Variants in ZNF230 observed in about 807,000 individuals in gnomAD.
ZNF230 encodes the protein zinc finger protein 230.
In ZNF230, 12 loss-of-function variants were observed where a neutral mutation model predicts 10.0. The observed-to-expected ratio is 1.20, with a 90% confidence interval of 0.77 to 1.95. ZNF230 has a LOEUF of 1.95. ZNF230 is among the 30% of genes most tolerant of loss of function. The pLI is 0.00. For synonymous variants in ZNF230, 174 were observed against 193.6 expected, an observed-to-expected ratio of 0.90 and a Z score of 0.84; for missense variants, 532 against 565.8, an observed-to-expected ratio of 0.94 and a Z score of 0.61.
intron 2 of ZNF230, 52 bp from the exon 3 acceptor site, chr19:44,008,738 C>T (rs1009543911): frequency 6.3e-7 from 1 of 1,597,844 alleles, no homozygotes; most frequent in Non-Finnish European, 8.5e-7. Context: ...GCTGCTCCTC[C>T]CCCAGTAGTC....
chr19:44,010,876 G>A lies in ZNF230; in HGVS notation c.837G>A (p.Pro279=), dbSNP rs375192589. ...KHQIIHTGEK[P]FKCEICGKSF... The stretch of plus-strand genomic sequence containing the variant: ...AGATAATTCATACTGGGGAGAAGCC[G>A]TTCAAATGTGAAATATGTGGTAAGA... Residue 279 remains proline, a synonymous_variant, in exon 5 of 5, where the codon CCG becomes CCA. Transcript: ENST00000429154. The A allele has an allele frequency of 1.3e-4, 217 of 1,614,168 alleles. No homozygotes were observed. In the African/African-American group the frequency reaches 2.5e-3, roughly 19 times the overall value.
chr19:44,003,714 G>A, intron 1 of ZNF230: 1 of 217,588 alleles, frequency 4.6e-6, no homozygotes. Context: ...CTGCAGGGAG[G>A]GGACTTCTTG....
chr19:44,011,310 A>G lies in ZNF230; in HGVS notation c.1271A>G (p.Asp424Gly), dbSNP rs1450250645. 1 of 1,614,188 alleles carries G rather than the reference A, an allele frequency of 6.2e-7. No individual in the cohort carries two copies. The highest frequency in any genetic ancestry group is 1.1e-5 in the South Asian group (1 of 91,086). ...CGGAAAAAACCCTTCAAATGTGAGG[A>G]TTGTGGAAAGAGGCTTGTACACCGG... ...HCRKKPFKCE[D>G]CGKRLVHRSF... The change falls in exon 5 of 5, where the codon GAT becomes GGT. Residue 424 changes from aspartate (D) to glycine (G), a missense_variant. Coordinates refer to ENST00000429154, the MANE Select transcript of ZNF230 (RefSeq NM_006300.4).
At chr19:44,007,149 C>A in intron 2 of ZNF230, 56 bp downstream of exon 2, 1 of 1,563,942 alleles carries the variant, frequency 6.4e-7, no homozygotes, top group South Asian at 1.1e-5. Context: ...CTCATATTGT[C>A]ATATATTTTT....
intron 1 of ZNF230, among the ~76,000 whole-genome samples, chr19:44,006,067 A>G (rs1345184259): frequency 1.3e-5 from 2 of 151,020 alleles, no homozygotes; most frequent in East Asian, 3.9e-4. Flanking sequence ...TTTTAATAGG[A>G]AAGTTATTTT....
Position 44,010,387 on chromosome 19 carries a change from C to A in ZNF230, c.348C>A (p.Phe116Leu). Residue 116 changes from phenylalanine to leucine, a missense_variant, in exon 5 of 5, where the codon TTC (phenylalanine) becomes TTA (leucine). Transcript: ENST00000429154. The stretch of plus-strand genomic sequence containing the variant: ...ACTCCATCATAAATAATTCTCACTT[C>A]TTTGAACAAGGTGATGTCCCCTCCC... ...SQDSIINNSH[F>L]FEQGDVPSQV... is the part of the protein sequence containing the mutation. The A allele has an allele frequency of 6.2e-7, 1 of 1,614,212 alleles. No individual in the cohort carries two copies.
In ZNF230 at chr19:44,007,118, T is replaced by C. The variant is rs754281075; in HGVS notation, c.15+25T>C. ...GGTGAGTAGAGCTCACCTCTCTTGC[T>C]ATTAAAATTCCATCTTATTGCTCAT... On this transcript the variant is annotated intron_variant, in intron 2 of 4. Transcript: ENST00000429154. 3.1e-6 allele frequency: 5 copies of C among 1,601,712 alleles called. No individual in the cohort carries two copies. The Admixed American group carries it at 8.5e-5, about 27-fold the overall frequency.
At chr19:44,003,749 G>A in intron 1 of ZNF230, 1 of 213,276 alleles carries the variant, frequency 4.7e-6, no homozygotes, top group South Asian at 8.6e-5. Flanking sequence ...ATCTCTATGT[G>A]ATTGGTCCTT....
rs200520307 is a variant in ZNF230 at position 44,010,265 on chromosome 19, A to G, written c.230-4A>G. ...CCACATCTCTTCATTCTGTGTCCTT[A>G]TAGGCGGCAAGACTATTGCGGAAGC... On this transcript the variant is annotated splice_polypyrimidine_tract_variant and splice_region_variant and intron_variant, in intron 4 of 4. Coordinates refer to ENST00000429154, the MANE Select transcript of ZNF230 (RefSeq NM_006300.4). The G allele has an allele frequency of 3.1e-6, 5 of 1,596,252 alleles. No homozygotes were observed. Among genetic ancestry groups the G allele is most frequent in the South Asian group, 2.3e-5 (2 of 88,052 alleles).
intron 2 of ZNF230, among the ~76,000 whole-genome samples, chr19:44,008,103 C>T (rs913850286): frequency 2.6e-5 from 4 of 152,176 alleles, no homozygotes; most frequent in Non-Finnish European, 5.9e-5. Flanking sequence ...CCCATTTGCA[C>T]CATAGCTGAG....
In ZNF230 at chr19:44,010,700, G is replaced by A. The variant is rs751852201; in HGVS notation, c.661G>A (p.Glu221Lys). Residue 221 changes from glutamate (E) to lysine (K), a missense_variant, in exon 5 of 5, where the codon GAG becomes AAG. By Grantham distance (56) the Glu-to-Lys change is moderately conservative. Transcript: ENST00000429154. ...LQTRERVHTGEKPFKCEQCGK... is the reference protein window; with the variant it reads ...LQTRERVHTGKKPFKCEQCGK... ...AACTCGTGAGAGAGTCCACACTGGAGAGAAACCATTCAAATGTGAGCAATG... is the reference window on the plus strand; with the variant it reads ...AACTCGTGAGAGAGTCCACACTGGAAAGAAACCATTCAAATGTGAGCAATG... The A allele has an allele frequency of 3.2e-5, 52 of 1,614,114 alleles. 1 individual carries two copies. In the South Asian group the frequency reaches 4.9e-4, roughly 15 times the overall value.
In ZNF230 at chr19:44,011,307, A is replaced by T. The variant is rs1184806237; in HGVS notation, c.1268A>T (p.Glu423Val). 3.1e-6 allele frequency: 5 copies of T among 1,614,146 alleles called. No individual in the cohort carries two copies. Among genetic ancestry groups the T allele is most frequent in the Non-Finnish European group, 4.2e-6 (5 of 1,180,010 alleles). ...TGCCGGAAAAAACCCTTCAAATGTG[A>T]GGATTGTGGAAAGAGGCTTGTACAC... Reference protein sequence around the residue: ...LHCRKKPFKCEDCGKRLVHRS... With the variant: ...LHCRKKPFKCVDCGKRLVHRS... Residue 423 changes from glutamate to valine, a missense_variant, in exon 5 of 5, where the codon GAG (glutamate) becomes GTG (valine). Physicochemically the swap from Glu to Val is moderately radical, Grantham distance 121. Transcript: ENST00000429154.
At position 44,013,888 on chromosome 19, in the gene ZNF230, ACTCAGAAT is replaced by A. The variant is rs1268036351; in HGVS notation, c.*2433_*2440del. 1.3e-5 allele frequency: 2 copies of A among 152,206 alleles called. No individual in the cohort carries two copies. The highest frequency in any genetic ancestry group is 2.9e-5 in the Non-Finnish European group (2 of 68,048). 9.4% of individuals were successfully genotyped at this position (152,206 alleles called of 1,614,324 possible). On this transcript the variant is annotated 3_prime_UTR_variant, in exon 5 of 5. Coordinates refer to ENST00000429154, the MANE Select transcript of ZNF230 (RefSeq NM_006300.4). ...TAACGTTAATCACTTACCTACCAGG[ACTCAGAAT>A]CTCAGAATAAAATTGCTCTATATTG...
intron 4 of ZNF230, 126 bp downstream of exon 4, chr19:44,009,296 C>A (rs1039041317): frequency 5.8e-5 from 62 of 1,070,996 alleles, no homozygotes; most frequent in Admixed American, 1.9e-4. Flanking sequence ...TATTACAACC[C>A]CTTTCTGGCT....
At position 44,008,851 on chromosome 19, in the gene ZNF230, AC is replaced by A. The variant is rs1976145701; in HGVS notation, c.80del (p.Pro27LeufsTer10). On this transcript the variant is annotated frameshift_variant, in exon 3 of 5. Transcript: ENST00000429154. LOFTEE classifies it high-confidence loss of function. Reference protein sequence around the residue: ...FFTEEELGLLDPAQRKLYQDV... With the variant: ...FFTEEELGLLXPAQRKLYQDV... ...ACTGAGGAGGAACTGGGGCTACTGG[AC>A]CCTGCCCAGAGGAAGCTGTACCAAG... is the stretch of plus-strand genomic sequence containing the variant. The A allele has an allele frequency of 1.2e-6, 2 of 1,613,930 alleles. No individual in the cohort carries two copies. Among genetic ancestry groups the A allele is most frequent in the African/African-American group, 1.3e-5 (1 of 74,880 alleles).
chr19:44,012,071 T>TAG lies in ZNF230; in HGVS notation c.*607_*608insAG. 1 of 228,672 alleles carries TAG rather than the reference T, an allele frequency of 4.4e-6. No homozygotes were observed. The highest frequency in any genetic ancestry group is 8.7e-6 in the Non-Finnish European group (1 of 114,544). 14.2% of individuals were successfully genotyped at this position (228,672 alleles called of 1,614,324 possible). The stretch of plus-strand genomic sequence containing the variant: ...TAGATATCTGATCCACATACTGATT[T>TAG]CCTTTGCTTTGGATATACTCAATAG... On this transcript the variant is annotated 3_prime_UTR_variant, in exon 5 of 5. Coordinates refer to ENST00000429154, the MANE Select transcript of ZNF230 (RefSeq NM_006300.4).
intron 2 of ZNF230, among the ~76,000 whole-genome samples, chr19:44,008,404 T>C (rs1976141250): frequency 6.6e-6 from 1 of 152,172 alleles, no homozygotes; most frequent in Non-Finnish European, 1.5e-5. Context: ...AGAAAAGTGA[T>C]AGCATCCAGG....
At chr19:44,009,760 A>T (rs1467573771) in intron 4 of ZNF230, among the ~76,000 whole-genome samples, 1 of 152,218 alleles carries the variant, frequency 6.6e-6, no homozygotes, top group Non-Finnish European at 1.5e-5. Flanking sequence ...CACCCTAACA[A>T]ACAAAGACAC....
At chr19:44,010,105 G>A (rs1976160657) in intron 4 of ZNF230, among the ~76,000 whole-genome samples, 164 bp from the exon 5 acceptor site, 1 of 152,156 alleles carries the variant, frequency 6.6e-6, no homozygotes, top group African/African-American at 2.4e-5. Flanking sequence ...ATGAGACATG[G>A]TGTGGTTATA....
Sources: allele counts gnomAD v4.1 joint callset (sites outside exome capture counted in the v4.1 genomes callset), GRCh38; gene constraint gnomAD v4.1.1; transcripts MANE v1.5; gene names NCBI Gene and HGNC (gene_info 2026-07-23, HGNC 2026-07-21).